AHI1: variants seen among roughly 807,000 people sequenced by gnomAD.
The protein encoded by AHI1 is jouberin.
In AHI1, 123 loss-of-function variants were observed where a neutral mutation model predicts 149.3. The ratio of observed to expected loss-of-function variants is 0.82; its 90% CI spans 0.71 to 0.96. The LOEUF (loss-of-function observed/expected upper bound fraction) is 0.96, where lower values mean the gene tolerates loss of function less well. AHI1 is among the 40% of genes least tolerant of loss of function. The pLI is 0.00. For synonymous variants in AHI1, 475 were observed against 459.8 expected (o/e 1.03, Z -0.42); for missense variants, 1,439 against 1,422.7 (o/e 1.01, Z -0.18).
rs1457084807 is a variant in AHI1 at position 135,466,187 on chromosome 6, T to C, written c.376A>G (p.Asn126Asp). Reference protein sequence around the residue: ...SVEEDKQGKPNKKVIKTVPQL... With the variant: ...SVEEDKQGKPDKKVIKTVPQL... ...GGCACCGTCTTTATCACCTTTTTAT[T>C]TGGCTTTCCTTGTTTGTCTTCCTCT... Residue 126 changes from asparagine to aspartate, a missense_variant, in exon 7 of 29, where the codon AAT becomes GAT. By Grantham distance (23) the Asn-to-Asp change is conservative (BLOSUM62 1). Coordinates refer to ENST00000265602, the MANE Select transcript of AHI1 (RefSeq NM_001134831.2). 2 of 1,613,938 alleles carry C rather than the reference T, an allele frequency of 1.2e-6. No homozygotes were observed. The highest frequency in any genetic ancestry group is 1.7e-6 in the Non-Finnish European group (2 of 1,179,868).
At chr6:135,410,192 C>A (rs566755228) in intron 21 of AHI1, among the ~76,000 whole-genome samples, 3 of 152,204 alleles carry the variant, frequency 2.0e-5, no homozygotes, top group East Asian at 1.9e-4. Context: ...CATACCAAGA[C>A]CCTGTCTCTA....
At chr6:135,306,510 G>C (rs1583611176) in intron 26 of AHI1, among the ~76,000 whole-genome samples, 1 of 152,194 alleles carries the variant, frequency 6.6e-6, no homozygotes, top group South Asian at 2.1e-4. Flanking sequence ...TGCTGCTGTA[G>C]AGAATGGGGT....
intron 24 of AHI1, among the ~76,000 whole-genome samples, chr6:135,340,731 TA>T (rs1330964067): frequency 4.3e-5 from 6 of 141,076 alleles, no homozygotes; most frequent in East Asian, 2.1e-4. Flanking sequence ...TCCATCTAAT[TA>T]AAAAAAACTT....
chr6:135,370,146 T>A (rs2128454873), intron 23 of AHI1, among the ~76,000 whole-genome samples: 1 of 152,290 alleles, frequency 6.6e-6, no homozygotes, highest in Non-Finnish European at 1.5e-5. Context: ...GCAAACGTCT[T>A]CCCTCAGAAA....
intron 5 of AHI1, chr6:135,490,301 C>T (rs1795076447): frequency 2.9e-6 from 2 of 700,196 alleles, no homozygotes; most frequent in East Asian, 5.4e-5. Flanking sequence ...ATACTACTTC[C>T]TAAGTTCTTC....
Position 135,442,777 on chromosome 6 carries a change from A to C in AHI1, c.1780-63T>G, listed in dbSNP as rs1583255017. ...CATTAAAACGCGAAGGCTAGTTTTT[A>C]ATTTCAATTACTGTAGTTCTTTTAA... is the stretch of plus-strand genomic sequence containing the variant. On this transcript the variant is annotated intron_variant, in intron 13 of 28. Transcript: ENST00000265602. 1.7e-5 allele frequency: 25 copies of C among 1,440,848 alleles called. No homozygotes were observed. The East Asian group carries it at 6.1e-4, about 35-fold the overall frequency. 89.3% of individuals were successfully genotyped at this position (1,440,848 alleles called of 1,614,324 possible). A position where few individuals can be genotyped will look rare whatever the true frequency, so the allele number is the denominator to read the frequency against.
intron 3 of AHI1, among the ~76,000 whole-genome samples, chr6:135,493,498 T>C (rs1378045691): frequency 2.0e-5 from 3 of 152,184 alleles, no homozygotes; most frequent in Non-Finnish European, 4.4e-5. Flanking sequence ...TCCTATACTT[T>C]AGTGATAGGA....
At chr6:135,398,733 G>C (rs1779612438) in intron 22 of AHI1, among the ~76,000 whole-genome samples, 1 of 151,988 alleles carries the variant, frequency 6.6e-6, no homozygotes, top group South Asian at 2.1e-4. Context: ...GAGAAAATTT[G>C]GTCTTGAACC....
chr6:135,476,387 A>G (rs1792644404), intron 5 of AHI1, among the ~76,000 whole-genome samples: 1 of 149,812 alleles, frequency 6.7e-6, no homozygotes, highest in African/African-American at 2.5e-5. Flanking sequence ...AGCTATGTAG[A>G]CTTGTTTTAT....
rs751749918 is a variant in AHI1, at chr6:135,466,040, C to T, written c.523G>A (p.Glu175Lys). 6.2e-7 allele frequency: 1 copy of T among 1,613,948 alleles called. No individual in the cohort carries two copies. The highest frequency in any genetic ancestry group is 1.7e-5 in the Admixed American group (1 of 60,024). ...TCTAAATCAGTCTCTTCTCTTCCCT[C>T]ATTTGCCTTCTCACTTTTCTGATGA... is the stretch of plus-strand genomic sequence containing the variant. ...VDHQKSEKAN[E>K]GREETDLEED... The change falls in exon 7 of 29, where the codon GAG becomes AAG. Residue 175 changes from glutamate to lysine, a missense_variant. Glu to Lys is a moderately conservative substitution (Grantham distance 56). Coordinates refer to ENST00000265602, the MANE Select transcript of AHI1 (RefSeq NM_001134831.2).
intron 21 of AHI1, among the ~76,000 whole-genome samples, chr6:135,409,012 C>T (rs749474382): frequency 2.0e-5 from 3 of 152,134 alleles, no homozygotes; most frequent in Admixed American, 1.3e-4. Context: ...TTATGTGGTA[C>T]TTTTCTTATG....
At chr6:135,300,127 C>T (rs1484359013) in intron 27 of AHI1, among the ~76,000 whole-genome samples, 12 of 152,034 alleles carry the variant, frequency 7.9e-5, no homozygotes, top group Admixed American at 7.9e-4. Flanking sequence ...GAGTTCAAGA[C>T]CAGCCTGGCC....
intron 28 of AHI1, among the ~76,000 whole-genome samples, chr6:135,289,152 A>AT (rs1334214587): frequency 6.7e-6 from 1 of 148,992 alleles, no homozygotes; most frequent in African/African-American, 2.6e-5. Flanking sequence ...CTACTGGTGT[A>AT]TTTTTTTTCT....
At chr6:135,427,671 C>T (rs1257005774) in intron 19 of AHI1, among the ~76,000 whole-genome samples, 1 of 151,476 alleles carries the variant, frequency 6.6e-6, no homozygotes, top group Non-Finnish European at 1.5e-5. Flanking sequence ...GGAGAAATTA[C>T]AGGACTCTAA....
chr6:135,467,462 G>A (rs1790953950), intron 6 of AHI1, 119 bp downstream of exon 6: 1 of 785,398 alleles, frequency 1.3e-6, no homozygotes, highest in South Asian at 1.7e-5. Context: ...AAAAATAAAA[G>A]TTTAACTGAT....
In AHI1 at chr6:135,492,729, C is replaced by A. The variant is rs772484350; in HGVS notation, c.-54-438G>T. 1.5e-5 allele frequency: 15 copies of A among 985,328 alleles called. No individual in the cohort carries two copies. In the South Asian group the frequency reaches 6.1e-4, roughly 40 times the overall value. 61.0% of individuals were successfully genotyped at this position (985,328 alleles called of 1,614,324 possible). A position where few individuals can be genotyped will look rare whatever the true frequency, so the allele number is the denominator to read the frequency against. The stretch of plus-strand genomic sequence containing the variant: ...AGCACACTCACAGTGAATTTAAATA[C>A]CTCTGTGTCTGCCACTGAAAATTCT... On this transcript the variant is annotated intron_variant, in intron 3 of 28. Transcript: ENST00000265602.
chr6:135,372,825 C>T (rs1450718369), intron 23 of AHI1, among the ~76,000 whole-genome samples: 1 of 152,214 alleles, frequency 6.6e-6, no homozygotes, highest in African/African-American at 2.4e-5. Flanking sequence ...TGGACTGACA[C>T]CCACACCTCT....
At chr6:135,380,993 T>C (rs551537218) in intron 23 of AHI1, among the ~76,000 whole-genome samples, 2 of 152,264 alleles carry the variant, frequency 1.3e-5, no homozygotes, top group South Asian at 2.1e-4. Context: ...ATATGCTTAT[T>C]ATGTTATTTT....
rs1790195361 is a variant in AHI1 at position 135,463,189 on chromosome 6, T to C, written c.867A>G (p.Thr289=). The change falls in exon 8 of 29, where the codon ACA becomes ACG. Residue 289 remains threonine (T), a synonymous_variant. Transcript: ENST00000265602. Reference sequence around the variant, plus strand: ...TTGTATCATCTTGCATGCTGTCTTCTGTGCTTTGTTCCATTGAGCTTATTT... The same window carrying C: ...TTGTATCATCTTGCATGCTGTCTTCCGTGCTTTGTTCCATTGAGCTTATTT... ...DDEISSMEQS[T]EDSMQDDTKP... 2.5e-6 allele frequency: 4 copies of C among 1,609,130 alleles called. No homozygotes were observed. In the East Asian group the frequency reaches 8.9e-5, roughly 36 times the overall value.
Sources: gnomAD v4.1 joint callset for allele counts (sites outside exome capture counted in the v4.1 genomes callset) on GRCh38, gnomAD v4.1.1 for gene constraint, MANE v1.5 for transcripts, NCBI Gene and HGNC (gene_info 2026-07-23, HGNC 2026-07-21) for gene names.